KCNT1: variants seen among roughly 807,000 people sequenced by gnomAD.
KCNT1 encodes the protein potassium sodium-activated channel subfamily T member 1.
KCNT1 carries 78 observed loss-of-function variants against 147.8 expected under a neutral mutation model. The ratio of observed to expected loss-of-function variants is 0.53; its 90% CI spans 0.44 to 0.64. KCNT1 has a LOEUF of 0.64. Ranked by LOEUF, KCNT1 falls within the 30% of genes least tolerant of loss-of-function variation. KCNT1 has a pLI of 0.00. For missense variants in KCNT1, 1,419 were observed against 1,750.3 expected, an observed-to-expected ratio of 0.81 and a Z score of 3.38; for synonymous variants, 867 against 748.8, an observed-to-expected ratio of 1.16 and a Z score of -2.58.
In KCNT1 at chr9:135,771,090, C is replaced by G; in HGVS notation, c.2003C>G (p.Ser668Cys). The change falls in exon 18 of 31, where the codon TCC (serine) becomes TGC (cysteine). Residue 668 changes from serine to cysteine, a missense_variant. Physicochemically the swap from Ser to Cys is moderately radical, Grantham distance 112. This residue lies in a region of KCNT1 where 284 missense variants were observed against 292.8 expected (regional missense o/e 0.97). Transcript: ENST00000371757. ...ARLPVHSIIA[S>C]MGTVAMDLQG... Reference sequence around the variant, plus strand: ...CTGCCCGTGCACAGCATCATCGCCTCCATGGGTGAGCCGGGACAGGCGCGC... The same window carrying G: ...CTGCCCGTGCACAGCATCATCGCCTGCATGGGTGAGCCGGGACAGGCGCGC... 1 of 1,610,014 alleles carries G rather than the reference C, an allele frequency of 6.2e-7. No homozygotes were observed. Among genetic ancestry groups the G allele is most frequent in the Admixed American group, 1.7e-5 (1 of 59,682 alleles).
intron 2 of KCNT1, among the ~76,000 whole-genome samples, chr9:135,732,893 A>C (rs780619580): frequency 9.9e-5 from 15 of 151,650 alleles, no homozygotes; most frequent in Non-Finnish European, 1.6e-4. Flanking sequence ...CCTCAGTCCA[A>C]GGGTCAGCCC....
Position 135,759,842 on chromosome 9 carries a change from G to T in KCNT1, c.1018G>T (p.Val340Leu), listed in dbSNP as rs558837964. 1.9e-6 allele frequency: 3 copies of T among 1,607,688 alleles called. No homozygotes were observed. The highest frequency in any genetic ancestry group is 3.4e-5 in the Admixed American group (2 of 59,658). Residue 340 changes from valine to leucine, a missense_variant, in exon 11 of 31, where the codon GTG becomes TTG. By Grantham distance (32) the Val-to-Leu change is conservative. Transcript: ENST00000371757. ...GGTCATCATGATCTGCGTGGCCCTC[G>T]TGGTGCTCCCACTGCAGGTGGGTCC... The part of the protein sequence containing the change: ...LVVIMICVAL[V>L]VLPLQFEELV...
At chr9:135,781,228 G>C (rs73557241) in intron 24 of KCNT1, among the ~76,000 whole-genome samples, 1 of 152,158 alleles carries the variant, frequency 6.6e-6, no homozygotes. Context: ...TCAGGACATC[G>C]GCAAAGCCTC....
rs756882919 is a variant in KCNT1 at position 135,779,491 on chromosome 9, C to T, written c.2841+21C>T. On this transcript the variant is annotated intron_variant, in intron 24 of 30. Transcript: ENST00000371757. ...AAAAGGTGAGCAGCCCTGCCCCGTG[C>T]CAGCTGCCACCCCAGAATCCCAGAA... 3.3e-6 allele frequency: 5 copies of T among 1,500,446 alleles called. No individual in the cohort carries two copies. The South Asian group carries it at 3.4e-5, about 10-fold the overall frequency. The allele number at this position is 1,500,446 out of a possible 1,614,324, so 92.9% of individuals were successfully genotyped here.
In KCNT1 at chr9:135,794,916, C is replaced by T. The variant is rs1279517885; in HGVS notation, c.*2755C>T. ...CTCCCAGCCTCGTGTCCTGCTGACC[C>T]ATAAAAGGTCCCCCTGCAAAGTACA... On this transcript the variant is annotated 3_prime_UTR_variant, in exon 31 of 31. Transcript: ENST00000371757. The T allele has an allele frequency of 6.6e-6, 1 of 152,204 alleles. No individual in the cohort carries two copies. The highest frequency in any genetic ancestry group is 1.5e-5 in the Non-Finnish European group (1 of 68,072). The allele number at this position is 152,204 out of a possible 1,614,324, so 9.4% of individuals were successfully genotyped here. A position where few individuals can be genotyped will look rare whatever the true frequency, so the allele number is the denominator to read the frequency against.
At chr9:135,702,417 A>G (rs1208204750) in intron 1 of KCNT1, 49 bp downstream of exon 1, 5 of 1,343,810 alleles carry the variant, frequency 3.7e-6, no homozygotes, top group Admixed American at 4.2e-5. Flanking sequence ...GGTCTAACCT[A>G]AGACCCCCAA....
At chr9:135,707,943 G>T (rs1459021979) in intron 1 of KCNT1, among the ~76,000 whole-genome samples, 1 of 152,220 alleles carries the variant, frequency 6.6e-6, no homozygotes. Flanking sequence ...GCATGGGCAA[G>T]AAGCCCCTCC....
At chr9:135,791,468 C>T in intron 29 of KCNT1, 1 of 318,786 alleles carries the variant, frequency 3.1e-6, no homozygotes, top group Non-Finnish European at 5.9e-6. Flanking sequence ...ACGTACGTGG[C>T]AGGTGTGCGC....
At chr9:135,785,353 C>A (rs558029845) in intron 28 of KCNT1, 23 bp downstream of exon 28, 9 of 1,612,736 alleles carry the variant, frequency 5.6e-6, no homozygotes, top group African/African-American at 1.3e-5. Flanking sequence ...TCCGTGCCCA[C>A]GCAGCTTCTG....
At chr9:135,705,773 C>G (rs151337167) in intron 1 of KCNT1, among the ~76,000 whole-genome samples, 1 of 152,220 alleles carries the variant, frequency 6.6e-6, no homozygotes, top group Admixed American at 6.5e-5. Context: ...GAGACCAGTA[C>G]TAGCAGCTGG....
At chr9:135,784,712 T>C in intron 26 of KCNT1, 49 bp from the exon 27 acceptor site, 1 of 1,609,136 alleles carries the variant, frequency 6.2e-7, no homozygotes, top group Non-Finnish European at 8.5e-7. Context: ...GCCAGGAGGC[T>C]CTGGGTGCTG....
Position 135,770,406 on chromosome 9 carries a change from G to A in KCNT1, c.1728G>A (p.Glu576=), listed in dbSNP as rs1356659248. The A allele has an allele frequency of 6.2e-7, 1 of 1,613,134 alleles. No individual in the cohort carries two copies. Among genetic ancestry groups the A allele is most frequent in the Non-Finnish European group, 8.5e-7 (1 of 1,179,698 alleles). Residue 576 remains glutamate (E), a synonymous_variant, in exon 17 of 31, where the codon GAG becomes GAA. Coordinates refer to ENST00000371757, the MANE Select transcript of KCNT1 (RefSeq NM_020822.3). ...ACAGCAAGTTCTTCCGCGAGTACGA[G>A]GGCAAGAGCTTCACCTACGCGGCCT... The part of the protein sequence containing the change: ...MGDSKFFREY[E]GKSFTYAAFH...
At chr9:135,780,844 G>C (rs1056124830) in intron 24 of KCNT1, among the ~76,000 whole-genome samples, 2 of 152,224 alleles carry the variant, frequency 1.3e-5, no homozygotes, top group Non-Finnish European at 2.9e-5. Flanking sequence ...AGGACTCTCC[G>C]GATCTGGAAG....
At chr9:135,750,014 G>A in intron 2 of KCNT1, 84 bp from the exon 3 acceptor site, 2 of 1,072,952 alleles carry the variant, frequency 1.9e-6, no homozygotes, top group Non-Finnish European at 2.9e-6. Flanking sequence ...GTTGGAAGAA[G>A]TCAGTCAGGT....
chr9:135,732,986 C>T lies in KCNT1; in HGVS notation c.255-17112C>T, dbSNP rs138745249. Among the ~76,000 whole-genome samples the T allele has an allele frequency of 2.7e-3, 407 of 152,038 alleles. 1 individual carries two copies. Among genetic ancestry groups the T allele is most frequent in the African/African-American group, 9.2e-3 (382 of 41,438 alleles). On this transcript the variant is annotated intron_variant, in intron 2 of 30. Coordinates refer to ENST00000371757, the MANE Select transcript of KCNT1 (RefSeq NM_020822.3). ...TGATGAGGGCTAAGGGTGAGGATTC[C>T]GGCACTCCCAGTTTGGACTCAGAAG...
chr9:135,785,223 G>T, intron 27 of KCNT1, 87 bp from the exon 28 acceptor site: 1 of 1,576,926 alleles, frequency 6.3e-7, no homozygotes. Context: ...CCAGCCCTAA[G>T]CATGTTCCGT....
At chr9:135,770,176 G>C (rs1446316832) in intron 16 of KCNT1, 121 bp downstream of exon 16, 1 of 1,398,148 alleles carries the variant, frequency 7.2e-7, no homozygotes. Flanking sequence ...GCGGGCAAAA[G>C]TCCTGCATAG....
intron 24 of KCNT1, among the ~76,000 whole-genome samples, chr9:135,782,744 G>A (rs1301601729): frequency 6.6e-6 from 1 of 152,226 alleles, no homozygotes; most frequent in East Asian, 1.9e-4. Context: ...AATTAAAATT[G>A]CAAGTTGTTC....
At chr9:135,707,501 A>G (rs986053661) in intron 1 of KCNT1, among the ~76,000 whole-genome samples, 78 of 152,126 alleles carry the variant, frequency 5.1e-4, no homozygotes, top group Non-Finnish European at 7.5e-4. Flanking sequence ...GGCCGGGGGC[A>G]GGGGCTGTGG....
Sources: gnomAD v4.1 joint callset for allele counts (sites outside exome capture counted in the v4.1 genomes callset) on GRCh38, gnomAD v4.1.1 for gene constraint, gnomAD v4.1.1 regional missense constraint, MANE v1.5 for transcripts, NCBI Gene and HGNC (gene_info 2026-07-23, HGNC 2026-07-21) for gene names.